Variants in DTHD1 observed in about 807,000 individuals in gnomAD.
The protein encoded by DTHD1 is death domain containing 1.
A neutral mutation model predicts 74.8 loss-of-function variants in DTHD1; 59 were observed. The ratio of observed to expected loss-of-function variants is 0.79; its 90% CI spans 0.64 to 0.98. The LOEUF is 0.98. DTHD1 is among the 50% of genes least tolerant of loss of function. DTHD1 has a pLI of 0.00. For synonymous variants in DTHD1, 365 were observed against 371.1 expected, an observed-to-expected ratio of 0.98 and a Z score of 0.19; for missense variants, 1,051 against 1,065.4, an observed-to-expected ratio of 0.99 and a Z score of 0.19.
chr4:36,308,996 A>AG (rs11391246), intron 7 of DTHD1, among the ~76,000 whole-genome samples: 47,835 of 152,082 alleles, frequency 0.31, 8,120 homozygotes, highest in African/African-American at 0.44. Flanking sequence ...GACTCCCAAA[A>AG]ATGTGTGAAT....
intron 2 of DTHD1, among the ~76,000 whole-genome samples, chr4:36,285,174 G>C (rs1755626754): frequency 6.6e-6 from 1 of 151,988 alleles, no homozygotes; most frequent in Non-Finnish European, 1.5e-5. Context: ...TTTTTTTAAA[G>C]AGGAAGGAAT....
intron 8 of DTHD1, among the ~76,000 whole-genome samples, chr4:36,324,824 T>C (rs1030055980): frequency 6.6e-6 from 1 of 152,206 alleles, no homozygotes; most frequent in Non-Finnish European, 1.5e-5. Context: ...TGATTGTTAA[T>C]TGCAAATGAA....
chr4:36,285,466 T>C (rs1417539697), intron 2 of DTHD1, among the ~76,000 whole-genome samples: 2 of 152,174 alleles, frequency 1.3e-5, no homozygotes, highest in East Asian at 1.9e-4. Flanking sequence ...TCCTTGGATA[T>C]GGTCTAGAAC....
intron 7 of DTHD1, among the ~76,000 whole-genome samples, chr4:36,308,888 A>G (rs977886121): frequency 1.2e-4 from 18 of 152,308 alleles, no homozygotes; most frequent in African/African-American, 3.6e-4. Context: ...ACTATATTAT[A>G]CCAGTGATTA....
At chr4:36,334,598 G>T (rs1560819049) in intron 8 of DTHD1, among the ~76,000 whole-genome samples, 1 of 152,106 alleles carries the variant, frequency 6.6e-6, no homozygotes, top group Non-Finnish European at 1.5e-5. Context: ...GACCTCAGGT[G>T]ATCCACCTGC....
intron 8 of DTHD1, among the ~76,000 whole-genome samples, chr4:36,320,209 C>T (rs573353086): frequency 1.1e-4 from 17 of 151,946 alleles, no homozygotes; most frequent in African/African-American, 4.1e-4. Context: ...GTGTTTTATA[C>T]ATCTGAAAGA....
chr4:36,328,856 T>C (rs906862034), intron 8 of DTHD1, among the ~76,000 whole-genome samples: 2 of 152,252 alleles, frequency 1.3e-5, no homozygotes, highest in African/African-American at 4.8e-5. Context: ...TTTTTGCAGT[T>C]GATTTGTTCA....
chr4:36,289,613 A>C (rs1755932941), intron 2 of DTHD1, among the ~76,000 whole-genome samples: 1 of 152,130 alleles, frequency 6.6e-6, no homozygotes, highest in African/African-American at 2.4e-5. Flanking sequence ...TAACCTAAAA[A>C]CTACTTAATA....
At chr4:36,335,101 T>C (rs955262346) in intron 8 of DTHD1, among the ~76,000 whole-genome samples, 3 of 152,200 alleles carry the variant, frequency 2.0e-5, no homozygotes, top group African/African-American at 7.2e-5. Flanking sequence ...AGTGCATAAA[T>C]TCCCAAATAA....
intron 8 of DTHD1, among the ~76,000 whole-genome samples, chr4:36,318,676 G>A (rs1232669798): frequency 2.1e-5 from 3 of 145,472 alleles, no homozygotes; most frequent in African/African-American, 7.7e-5. Flanking sequence ...GTGCAGTGGC[G>A]CGATCTCGGC....
chr4:36,281,847 T>TGG lies in DTHD1; in HGVS notation c.91_92dup (p.Asp32ValfsTer66). ...AACCAGATGCTAAAGCAGGCACTCT[T>TGG]GGGTGATGACCTTTGTGAGGGGGCT... On this transcript the variant is annotated frameshift_variant, in exon 1 of 10. Coordinates refer to ENST00000639862, the MANE Select transcript of DTHD1 (RefSeq NM_001170700.3). LOFTEE classifies it high-confidence loss of function. 1 of 1,257,940 alleles carries TGG rather than the reference T, an allele frequency of 7.9e-7. No individual in the cohort carries two copies. Among genetic ancestry groups the TGG allele is most frequent in the Non-Finnish European group, 1.0e-6 (1 of 999,636 alleles). The allele number at this position is 1,257,940 out of a possible 1,614,324, so 77.9% of individuals were successfully genotyped here. A position where few individuals can be genotyped will look rare whatever the true frequency, so the allele number is the denominator to read the frequency against.
At position 36,342,918 on chromosome 4, in the gene DTHD1, C is replaced by CAAAAAA. The variant is rs55956868; in HGVS notation, c.2399-568_2399-563dup. Among the ~76,000 whole-genome samples, 77 of 96,976 alleles carry CAAAAAA rather than the reference C, an allele frequency of 7.9e-4. 2 individuals carry two copies. Among genetic ancestry groups the CAAAAAA allele is most frequent in the East Asian group, 7.8e-3 (26 of 3,344 alleles). The allele number at this position is 96,976 out of a possible 152,430, so 63.6% of individuals were successfully genotyped here. A position where few individuals can be genotyped will look rare whatever the true frequency, so the allele number is the denominator to read the frequency against. On this transcript the variant is annotated intron_variant, in intron 9 of 9. Coordinates refer to ENST00000639862, the MANE Select transcript of DTHD1 (RefSeq NM_001170700.3). ...TGAAACCCCGTCTCTACTAAAAATACAAAAAAAAAAAAAAAAAAAAATCCC... is the reference window on the plus strand; with the variant it reads ...TGAAACCCCGTCTCTACTAAAAATACAAAAAAAAAAAAAAAAAAAAAAAAAAATCCC...
At chr4:36,297,162 G>A (rs1376770981) in intron 5 of DTHD1, among the ~76,000 whole-genome samples, 2 of 152,314 alleles carry the variant, frequency 1.3e-5, no homozygotes, top group East Asian at 3.9e-4. Context: ...AAGAGGAGGG[G>A]TTGGTCTTGC....
chr4:36,319,399 C>A (rs76703631), intron 8 of DTHD1, among the ~76,000 whole-genome samples: 3,214 of 152,302 alleles, frequency 0.021, 120 homozygotes, highest in African/African-American at 0.074. Flanking sequence ...GAGCCTGATT[C>A]TACAAACTCT....
At chr4:36,320,225 C>A (rs1757970211) in intron 8 of DTHD1, among the ~76,000 whole-genome samples, 1 of 151,982 alleles carries the variant, frequency 6.6e-6, no homozygotes, top group African/African-American at 2.4e-5. Context: ...AAAGAGTAAG[C>A]CTTTTTGTGT....
In DTHD1 at chr4:36,284,530, A is replaced by T. The variant is rs1462708878; in HGVS notation, c.826A>T (p.Asn276Tyr). 1 of 1,534,212 alleles carries T rather than the reference A, an allele frequency of 6.5e-7. No individual in the cohort carries two copies. Among genetic ancestry groups the T allele is most frequent in the East Asian group, 2.4e-5 (1 of 40,882 alleles). ...ATGTGATATCTCCAAGAAATATATA[A>T]ATAGTACTCTTCCCAATGATTCAGA... ...IICDISKKYI[N>Y]STLPNDSENI... The change falls in exon 2 of 10, where the codon AAT becomes TAT. Residue 276 changes from asparagine (N) to tyrosine (Y), a missense_variant. Transcript: ENST00000639862.
intron 7 of DTHD1, among the ~76,000 whole-genome samples, chr4:36,309,062 A>G (rs1324644696): frequency 6.6e-6 from 1 of 152,148 alleles, no homozygotes; most frequent in East Asian, 1.9e-4. Context: ...TTTATTTTAT[A>G]TTTTTCAAAG....
intron 9 of DTHD1, among the ~76,000 whole-genome samples, chr4:36,341,773 G>A (rs1340364815): frequency 6.6e-6 from 1 of 152,184 alleles, no homozygotes; most frequent in Non-Finnish European, 1.5e-5. Flanking sequence ...CATCATTGAT[G>A]TGCATAGTTG....
intron 5 of DTHD1, among the ~76,000 whole-genome samples, chr4:36,302,048 G>C (rs1233253899): frequency 6.6e-6 from 1 of 152,124 alleles, no homozygotes; most frequent in African/African-American, 2.4e-5. Context: ...AGGGTGCGGG[G>C]GCCCACTAAG....
Sources: gnomAD v4.1 joint callset for allele counts (sites outside exome capture counted in the v4.1 genomes callset) on GRCh38, gnomAD v4.1.1 for gene constraint, MANE v1.5 for transcripts, NCBI Gene and HGNC (gene_info 2026-07-23, HGNC 2026-07-21) for gene names.